The following SH3KBP1 variants were observed in gnomAD, a reference collection of about 807,000 sequenced individuals.
SH3KBP1 encodes the protein SH3 domain containing kinase binding protein 1, also known as SH3 domain-containing kinase-binding protein 1.
Under a neutral mutation model 50.1 loss-of-function variants are expected in SH3KBP1, and 8 were observed. The observed-to-expected ratio is 0.16, with a 90% CI of 0.09 to 0.29. The LOEUF (loss-of-function observed/expected upper bound fraction) is 0.29. SH3KBP1 is among the 10% of genes least tolerant of loss of function. The probability of loss-of-function intolerance (pLI) is 1.00; values close to 1 mark genes in which losing one functional copy is unlikely to be tolerated. For missense variants in SH3KBP1, 377 were observed against 535.2 expected (o/e 0.70, Z 2.92); for synonymous variants, 227 against 218.6 (o/e 1.04, Z -0.34).
At chrX:19,727,485 T>C (rs761297001) in intron 3 of SH3KBP1, among the ~76,000 whole-genome samples, 7 of 112,382 alleles carry the variant, frequency 6.2e-5, no homozygotes, top group Non-Finnish European at 1.3e-4. Context: ...TTACAGCATG[T>C]GTCATAATTT....
intron 15 of SH3KBP1, among the ~76,000 whole-genome samples, chrX:19,543,086 G>C (rs780996557): frequency 1.3e-4 from 15 of 111,836 alleles, no homozygotes; most frequent in African/African-American, 4.2e-4. Flanking sequence ...ATGTGGCGAA[G>C]GCAAGCACAG....
At chrX:19,583,388 C>T (rs1043270315) in intron 12 of SH3KBP1, among the ~76,000 whole-genome samples, 1 of 110,643 alleles carries the variant, frequency 9.0e-6, no homozygotes, top group Non-Finnish European at 1.9e-5. Context: ...CTCCTGACCT[C>T]AGGTGATCCA....
chrX:19,840,671 AG>A (rs1331517547), intron 1 of SH3KBP1, among the ~76,000 whole-genome samples: 3 of 112,613 alleles, frequency 2.7e-5, no homozygotes, highest in African/African-American at 9.7e-5. Flanking sequence ...AGGTAACTGC[AG>A]GAAGGATGAA....
At chrX:19,871,170 C>A (rs1474407996) in intron 1 of SH3KBP1, among the ~76,000 whole-genome samples, 1 of 112,296 alleles carries the variant, frequency 8.9e-6, no homozygotes, top group African/African-American at 3.2e-5. Context: ...CAAACAAACA[C>A]CCTTTGGTTT....
At chrX:19,856,433 GC>G (rs1011041872) in intron 1 of SH3KBP1, among the ~76,000 whole-genome samples, 16 of 111,341 alleles carry the variant, frequency 1.4e-4, no homozygotes, top group Non-Finnish European at 2.3e-4. Context: ...TGATAAACGG[GC>G]CTCAGAAAGC....
chrX:19,608,085 G>A (rs1187688036), intron 8 of SH3KBP1, 40 bp from the exon 9 acceptor site: 62 of 1,106,346 alleles, frequency 5.6e-5, no homozygotes, highest in Non-Finnish European at 7.4e-5. Context: ...ATGGGGGCAA[G>A]CAGCCTCCAG....
At chrX:19,710,548 A>G (rs948675855) in intron 3 of SH3KBP1, among the ~76,000 whole-genome samples, 2 of 112,189 alleles carry the variant, frequency 1.8e-5, no homozygotes, top group African/African-American at 6.5e-5. Context: ...GAAAGAGAAC[A>G]CATTCCCATA....
intron 7 of SH3KBP1, among the ~76,000 whole-genome samples, chrX:19,645,186 T>C (rs1201096053): frequency 8.9e-6 from 1 of 111,948 alleles, no homozygotes; most frequent in South Asian, 3.7e-4. Context: ...CCACGTTCTG[T>C]AATAAGGGGA....
intron 2 of SH3KBP1, among the ~76,000 whole-genome samples, chrX:19,761,314 A>C (rs1473461984): frequency 2.5e-5 from 2 of 78,593 alleles, no homozygotes; most frequent in African/African-American, 1.0e-4. Context: ...GGAGGGACGA[A>C]GAGGAAGGAA....
At chrX:19,670,987 C>T (rs2062779863) in intron 6 of SH3KBP1, 1 of 1,082,140 alleles carries the variant, frequency 9.2e-7, no homozygotes. Context: ...CTGAGTCATA[C>T]TTGGGACCAA....
At chrX:19,709,575 T>C (rs1314416628) in intron 3 of SH3KBP1, among the ~76,000 whole-genome samples, 1 of 112,075 alleles carries the variant, frequency 8.9e-6, no homozygotes, top group African/African-American at 3.3e-5. Context: ...TCAATTCACA[T>C]TTTGTGCCAA....
chrX:19,719,272 C>T lies in SH3KBP1; in HGVS notation c.287-12288G>A, dbSNP rs1488002242. On this transcript the variant is annotated intron_variant, in intron 3 of 17. Coordinates refer to ENST00000397821, the MANE Select transcript of SH3KBP1 (RefSeq NM_031892.3). ...TGGTTAGGGCGATGCCACTGCACCA[C>T]TCTAGATCCCTATGTGGACCCCAGG... Among the ~76,000 whole-genome samples the T allele has an allele frequency of 2.7e-5, 3 of 111,477 alleles. No individual in the cohort carries two copies. The Admixed American group carries it at 2.9e-4, about 11-fold the overall frequency.
intron 12 of SH3KBP1, among the ~76,000 whole-genome samples, chrX:19,572,293 T>C (rs999906182): frequency 1.9e-5 from 2 of 106,778 alleles, no homozygotes; most frequent in Non-Finnish European, 3.8e-5. Flanking sequence ...TATAGTCATA[T>C]ATGTTATATA....
chrX:19,699,236 G>A (rs985820401), intron 4 of SH3KBP1, among the ~76,000 whole-genome samples: 46 of 112,335 alleles, frequency 4.1e-4, no homozygotes, highest in African/African-American at 1.5e-3. Flanking sequence ...CCCCTGCTTG[G>A]AAATCAAGCT....
At chrX:19,638,237 C>T (rs930050968) in intron 7 of SH3KBP1, among the ~76,000 whole-genome samples, 5 of 109,336 alleles carry the variant, frequency 4.6e-5, no homozygotes, top group Middle Eastern at 4.2e-3. Flanking sequence ...GGTGAAACCC[C>T]GTCTCCACTA....
At chrX:19,614,680 A>G (rs1312023183) in intron 8 of SH3KBP1, among the ~76,000 whole-genome samples, 1 of 111,589 alleles carries the variant, frequency 9.0e-6, no homozygotes, top group Non-Finnish European at 1.9e-5. Flanking sequence ...TCAAGCTTTA[A>G]TGTGCATGCT....
intron 13 of SH3KBP1, 72 bp downstream of exon 13, chrX:19,569,031 T>C (rs1389506305): frequency 6.3e-6 from 6 of 946,924 alleles, no homozygotes; most frequent in South Asian, 3.9e-5. Flanking sequence ...ATCATGCTGG[T>C]TGAAGGCAAG....
chrX:19,645,559 A>C (rs2061971155), intron 6 of SH3KBP1, 84 bp from the exon 7 acceptor site: 10 of 777,692 alleles, frequency 1.3e-5, no homozygotes, highest in Admixed American at 4.9e-5. Flanking sequence ...ATAATGACAA[A>C]ATGCTCGAAA....
At chrX:19,845,968 C>T (rs775829979) in intron 1 of SH3KBP1, among the ~76,000 whole-genome samples, 2 of 112,004 alleles carry the variant, frequency 1.8e-5, no homozygotes, top group Admixed American at 1.9e-4. Flanking sequence ...TACTTTTTTT[C>T]AGGTAGTGTT....
Sources: gnomAD v4.1 joint callset for allele counts (sites outside exome capture counted in the v4.1 genomes callset) on GRCh38, gnomAD v4.1.1 for gene constraint, MANE v1.5 for transcripts, NCBI Gene and HGNC (gene_info 2026-07-23, HGNC 2026-07-21) for gene names.